The following LPP variants were observed in gnomAD, a reference collection of about 807,000 sequenced individuals.
LPP encodes the protein LIM domain containing preferred translocation partner in lipoma.
A neutral mutation model predicts 60.4 loss-of-function variants in LPP; 38 were observed. The ratio of observed to expected loss-of-function variants is 0.63; its 90% CI spans 0.49 to 0.83. The LOEUF is 0.83. LPP is among the 40% of genes least tolerant of loss of function. The probability of loss-of-function intolerance (pLI) is 0.00; values close to 1 mark genes in which losing one functional copy is unlikely to be tolerated. For missense variants in LPP, 902 were observed against 783.6 expected, an observed-to-expected ratio of 1.15 and a Z score of -1.80; for synonymous variants, 328 against 290.8, an observed-to-expected ratio of 1.13 and a Z score of -1.30.
intron 6 of LPP, among the ~76,000 whole-genome samples, chr3:188,531,840 C>T (rs1260814506): frequency 6.6e-6 from 1 of 152,076 alleles, no homozygotes; most frequent in Non-Finnish European, 1.5e-5. Context: ...TATTATCAAA[C>T]TTGGGAAGGG....
At chr3:188,528,406 A>G (rs1327198757) in intron 6 of LPP, among the ~76,000 whole-genome samples, 1 of 151,590 alleles carries the variant, frequency 6.6e-6, no homozygotes, top group African/African-American at 2.4e-5. Flanking sequence ...CTTATAACCT[A>G]ATAGACACTG....
chr3:188,227,250 A>C (rs1171194713), intron 2 of LPP, among the ~76,000 whole-genome samples: 1 of 151,314 alleles, frequency 6.6e-6, no homozygotes, highest in Admixed American at 6.6e-5. Flanking sequence ...GGTTAGTTAC[A>C]TATGTATACA....
intron 7 of LPP, among the ~76,000 whole-genome samples, chr3:188,702,916 G>T (rs574034047): frequency 6.6e-6 from 1 of 152,102 alleles, no homozygotes; most frequent in Non-Finnish European, 1.5e-5. Context: ...ACCCCGAGAG[G>T]CATTGCAGTG....
In LPP at chr3:188,887,240, T is replaced by G. The variant is rs1213531527; in HGVS notation, c.*12761T>G. 6.3e-5 allele frequency: 14 copies of G among 221,032 alleles called. No homozygotes were observed. In the East Asian group the frequency reaches 9.3e-4, roughly 15 times the overall value. 13.7% of individuals were successfully genotyped at this position (221,032 alleles called of 1,614,324 possible). On this transcript the variant is annotated 3_prime_UTR_variant, in exon 12 of 12. Transcript: ENST00000617246. The stretch of plus-strand genomic sequence containing the variant: ...AAATGCAAAATGGGAAGAGCTAGCT[T>G]TTCTTAGATACATTTCTTCCTTTTT...
chr3:188,585,862 A>T (rs996309945), intron 6 of LPP, among the ~76,000 whole-genome samples: 1 of 152,238 alleles, frequency 6.6e-6, no homozygotes, highest in Non-Finnish European at 1.5e-5. Context: ...GTACAGATAT[A>T]AGTCTACATG....
At chr3:188,760,089 C>T (rs1420567895) in intron 8 of LPP, 24 bp from the exon 9 acceptor site, 1 of 1,612,468 alleles carries the variant, frequency 6.2e-7, no homozygotes, top group Admixed American at 1.7e-5. Context: ...TTGGTGTGTT[C>T]TTATCAAACC....
intron 9 of LPP, among the ~76,000 whole-genome samples, chr3:188,797,311 A>T (rs1745676852): frequency 6.6e-6 from 1 of 152,170 alleles, no homozygotes; most frequent in Non-Finnish European, 1.5e-5. Context: ...TAAGTCTGTT[A>T]CTTCATAGGT....
chr3:188,621,473 A>G (rs1036429163), intron 7 of LPP, among the ~76,000 whole-genome samples: 3 of 152,140 alleles, frequency 2.0e-5, no homozygotes, highest in Non-Finnish European at 4.4e-5. Flanking sequence ...CTCTAGCTCC[A>G]TCTATGTTGC....
intron 9 of LPP, among the ~76,000 whole-genome samples, chr3:188,806,622 T>C (rs67956817): frequency 0.1 from 15,221 of 151,982 alleles, 1,027 homozygotes; most frequent in Non-Finnish European, 0.15. Context: ...TTTCTCTTCC[T>C]GCCTTTCTTT....
intron 7 of LPP, among the ~76,000 whole-genome samples, chr3:188,692,603 T>G (rs1022256246): frequency 6.6e-6 from 1 of 152,212 alleles, no homozygotes; most frequent in African/African-American, 2.4e-5. Flanking sequence ...CATTAAAACA[T>G]TTTACTTCGG....
chr3:188,826,039 A>G (rs1389561161), intron 9 of LPP, among the ~76,000 whole-genome samples: 1 of 151,808 alleles, frequency 6.6e-6, no homozygotes, highest in Non-Finnish European at 1.5e-5. Flanking sequence ...CTGCCCTCCC[A>G]TGGGTCTTTA....
rs1035986774 is a variant in LPP, at chr3:188,889,133, G to A, written c.*14654G>A. 4 of 227,322 alleles carry A rather than the reference G, an allele frequency of 1.8e-5. No individual in the cohort carries two copies. Among genetic ancestry groups the A allele is most frequent in the African/African-American group, 8.9e-5 (4 of 44,994 alleles). The allele number at this position is 227,322 out of a possible 1,614,324, so 14.1% of individuals were successfully genotyped here. A position where few individuals can be genotyped will look rare whatever the true frequency, so the allele number is the denominator to read the frequency against. Reference sequence around the variant, plus strand: ...AGAAAAGTCTTGGCTGTGGGGATTGGAAGCTCAGGGGGCCAAATGTCCTTG... The same window carrying A: ...AGAAAAGTCTTGGCTGTGGGGATTGAAAGCTCAGGGGGCCAAATGTCCTTG... On this transcript the variant is annotated 3_prime_UTR_variant, in exon 12 of 12. Coordinates refer to ENST00000617246, the MANE Select transcript of LPP (RefSeq NM_001375462.1).
At chr3:188,796,417 C>T (rs1198233316) in intron 9 of LPP, among the ~76,000 whole-genome samples, 1 of 152,144 alleles carries the variant, frequency 6.6e-6, no homozygotes, top group East Asian at 1.9e-4. Context: ...AAAGCCTAGC[C>T]ATTTTATTAT....
intron 8 of LPP, among the ~76,000 whole-genome samples, chr3:188,721,192 C>T (rs1272493295): frequency 1.3e-5 from 2 of 152,010 alleles, no homozygotes; most frequent in African/African-American, 4.8e-5. Context: ...TAATTTGATT[C>T]TGTGGGTTGA....
chr3:188,536,940 C>T (rs1458342652), intron 6 of LPP, among the ~76,000 whole-genome samples: 1 of 152,190 alleles, frequency 6.6e-6, no homozygotes, highest in Non-Finnish European at 1.5e-5. Context: ...TTCTTCTTGG[C>T]TCTCTCCGTC....
chr3:188,810,355 T>C (rs1348595021), intron 9 of LPP, among the ~76,000 whole-genome samples: 3 of 152,110 alleles, frequency 2.0e-5, no homozygotes, highest in Non-Finnish European at 4.4e-5. Context: ...CTCCCACTTA[T>C]CAGTAGTTTT....
chr3:188,481,627 T>C (rs902941209), intron 4 of LPP, among the ~76,000 whole-genome samples: 4 of 152,222 alleles, frequency 2.6e-5, no homozygotes, highest in Non-Finnish European at 4.4e-5. Context: ...AAGACTTACT[T>C]GTTGTGACAT....
chr3:188,269,252 T>A (rs1165172246), intron 2 of LPP, among the ~76,000 whole-genome samples: 1 of 152,264 alleles, frequency 6.6e-6, no homozygotes, highest in African/African-American at 2.4e-5. Context: ...ATGAGCTCCA[T>A]GTTGAAATTA....
At chr3:188,256,135 A>G (rs562975036) in intron 2 of LPP, among the ~76,000 whole-genome samples, 1 of 113,764 alleles carries the variant, frequency 8.8e-6, no homozygotes, top group African/African-American at 2.9e-5. Context: ...TAAGAGTAAG[A>G]TGCTACAATA....
Sources: allele counts gnomAD v4.1 joint callset (sites outside exome capture counted in the v4.1 genomes callset), GRCh38; gene constraint gnomAD v4.1.1; transcripts MANE v1.5; gene names NCBI Gene and HGNC (gene_info 2026-07-23, HGNC 2026-07-21).